Variants in FOXP2 observed in about 807,000 individuals in gnomAD.
FOXP2 encodes forkhead box protein P2.
Under a neutral mutation model 115.8 loss-of-function variants are expected in FOXP2, and 12 were observed. That is an observed-to-expected ratio of 0.10 (90% CI 0.07 to 0.17). The LOEUF is 0.17. Ranked by LOEUF, FOXP2 falls within the 10% of genes least tolerant of loss-of-function variation. The pLI is 1.00. For synonymous variants in FOXP2, 328 were observed against 297.7 expected (o/e 1.10, Z -1.05); for missense variants, 629 against 843.5 (o/e 0.75, Z 3.15).
intron 1 of FOXP2, among the ~76,000 whole-genome samples, chr7:114,279,009 T>G (rs1343163419): frequency 6.6e-6 from 1 of 152,152 alleles, no homozygotes; most frequent in Non-Finnish European, 1.5e-5. Context: ...ATGGGTAGAT[T>G]AGAATAGAAG....
chr7:114,292,323 A>G (rs990048193), intron 2 of FOXP2, among the ~76,000 whole-genome samples: 21 of 152,240 alleles, frequency 1.4e-4, no homozygotes, highest in African/African-American at 4.6e-4. Context: ...TTGTTGAAAC[A>G]TGTAAAATTT....
intron 2 of FOXP2, among the ~76,000 whole-genome samples, chr7:114,309,371 G>A (rs1201771509): frequency 6.6e-6 from 1 of 152,180 alleles, no homozygotes; most frequent in Non-Finnish European, 1.5e-5. Flanking sequence ...CGCTATACCA[G>A]TGCACCAGTT....
At chr7:114,544,386 G>C (rs575579930) in intron 3 of FOXP2, among the ~76,000 whole-genome samples, 112 of 152,002 alleles carry the variant, frequency 7.4e-4, no homozygotes, top group African/African-American at 2.5e-3. Context: ...TGTGGCTAAA[G>C]TTTGTTATTT....
intron 2 of FOXP2, among the ~76,000 whole-genome samples, chr7:114,374,396 C>A (rs2129190168): frequency 6.6e-6 from 1 of 152,208 alleles, no homozygotes; most frequent in Non-Finnish European, 1.5e-5. Context: ...CAGTAAATTA[C>A]CACTTTCTAG....
At position 114,629,884 on chromosome 7, in the gene FOXP2, A is replaced by G. The variant is rs1407370674; in HGVS notation, c.476A>G (p.Gln159Arg). ...QLLQQQQQQQ[Q>R]QQQQQQQQQQ... ...TTGCAGCAGCAGCAGCAACAGCAGC[A>G]GCAGCAACAACAGCAGCAACAACAG... is the stretch of plus-strand genomic sequence containing the variant. Residue 159 changes from glutamine (Q) to arginine (R), a missense_variant, in exon 5 of 17, where the codon CAG becomes CGG. By Grantham distance (43) the Gln-to-Arg change is conservative (BLOSUM62 1). Coordinates refer to ENST00000350908, the MANE Select transcript of FOXP2 (RefSeq NM_014491.4). 1.9e-6 allele frequency: 3 copies of G among 1,612,994 alleles called. No individual in the cohort carries two copies. The highest frequency in any genetic ancestry group is 2.5e-6 in the Non-Finnish European group (3 of 1,179,486).
chr7:114,103,557 C>T (rs975211138), intron 1 of FOXP2, among the ~76,000 whole-genome samples: 106 of 151,890 alleles, frequency 7.0e-4, no homozygotes, highest in African/African-American at 2.4e-3. Flanking sequence ...GGGAGATGAA[C>T]GAAAAGACTG....
intron 10 of FOXP2, among the ~76,000 whole-genome samples, chr7:114,657,632 GA>G (rs915801994): frequency 2.4e-4 from 36 of 150,302 alleles, no homozygotes; most frequent in African/African-American, 4.9e-4. Flanking sequence ...TTGGGACTAC[GA>G]AAAAAAAAAT....
intron 2 of FOXP2, among the ~76,000 whole-genome samples, chr7:114,479,541 GA>G (rs747145273): frequency 0.05 from 6,620 of 131,318 alleles, 375 homozygotes; most frequent in African/African-American, 0.15. Context: ...GATATTTGAG[GA>G]AAAAAAAAAA....
chr7:114,139,216 A>G (rs1291537437), intron 1 of FOXP2, among the ~76,000 whole-genome samples: 5 of 152,110 alleles, frequency 3.3e-5, no homozygotes, highest in African/African-American at 1.2e-4. Context: ...TTCATGTTAG[A>G]GCGGAAAAAA....
chr7:114,397,551 A>G (rs534363774), intron 2 of FOXP2, among the ~76,000 whole-genome samples: 1 of 152,306 alleles, frequency 6.6e-6, no homozygotes, highest in South Asian at 2.1e-4. Context: ...GAAAGACTAC[A>G]TTACAATGAA....
intron 3 of FOXP2, among the ~76,000 whole-genome samples, chr7:114,604,620 C>A (rs973545328): frequency 2.0e-5 from 3 of 152,090 alleles, no homozygotes; most frequent in African/African-American, 7.2e-5. Flanking sequence ...ATTTTTAAGG[C>A]TGGTAGAGAT....
In FOXP2 at chr7:114,274,021, C is replaced by G. The variant is rs563717302; in HGVS notation, c.-101-13998C>G. Among the ~76,000 whole-genome samples the G allele has an allele frequency of 1.7e-4, 26 of 151,678 alleles. 1 individual carries two copies. In the South Asian group the frequency reaches 5.4e-3, roughly 32 times the overall value. On this transcript the variant is annotated intron_variant, in intron 1 of 17. Transcript: ENST00000634411. ...CCTATTTTTCTTCCATTTTTTCCTGCCTTTTGTGATTTTAAAGATTTTATA... is the reference window on the plus strand; with the variant it reads ...CCTATTTTTCTTCCATTTTTTCCTGGCTTTTGTGATTTTAAAGATTTTATA...
intron 2 of FOXP2, among the ~76,000 whole-genome samples, chr7:114,531,212 G>T (rs551295129): frequency 3.2e-4 from 48 of 151,770 alleles, no homozygotes; most frequent in African/African-American, 9.6e-4. Context: ...TTTTTGTGGG[G>T]GAGGGTGACC....
chr7:114,642,812 A>ATTTT (rs869136743), intron 7 of FOXP2, among the ~76,000 whole-genome samples, 189 bp downstream of exon 7: 14 of 72,424 alleles, frequency 1.9e-4, no homozygotes, highest in African/African-American at 4.3e-4. Context: ...ATATATATAT[A>ATTTT]TTTTTTTTTT....
chr7:114,219,953 G>T (rs572750175), intron 1 of FOXP2, among the ~76,000 whole-genome samples: 2 of 151,546 alleles, frequency 1.3e-5, no homozygotes, highest in Non-Finnish European at 2.9e-5. Flanking sequence ...TACAACCTCC[G>T]CCTCCCGGGT....
rs1808762442 is a variant in FOXP2 at position 114,693,110 on chromosome 7, T to C, written c.*3184T>C. 2.2e-6 allele frequency: 1 copy of C among 453,950 alleles called. No homozygotes were observed. The highest frequency in any genetic ancestry group is 4.4e-6 in the Non-Finnish European group (1 of 226,668). 28.1% of individuals were successfully genotyped at this position (453,950 alleles called of 1,614,324 possible). ...CCTAGTGGGCTTAAGGCTTATATTC[T>C]ATGTGGTTGGATTCGTGGCACAGTT... On this transcript the variant is annotated 3_prime_UTR_variant, in exon 17 of 17. Coordinates refer to ENST00000350908, the MANE Select transcript of FOXP2 (RefSeq NM_014491.4).
intron 3 of FOXP2, among the ~76,000 whole-genome samples, chr7:114,540,775 A>T (rs958613828): frequency 1.3e-5 from 2 of 152,084 alleles, no homozygotes; most frequent in African/African-American, 4.8e-5. Context: ...GTCATCAAAG[A>T]TGTAGACATA....
At chr7:114,228,793 C>CA (rs1265335255) in intron 1 of FOXP2, among the ~76,000 whole-genome samples, 7 of 141,982 alleles carry the variant, frequency 4.9e-5, no homozygotes, top group African/African-American at 1.1e-4. Context: ...TATAGAACTA[C>CA]AAAAAAATCA....
intron 1 of FOXP2, among the ~76,000 whole-genome samples, chr7:114,165,866 T>G (rs1792969258): frequency 6.6e-6 from 1 of 152,160 alleles, no homozygotes; most frequent in Admixed American, 6.5e-5. Context: ...ACTTTAAGAC[T>G]TAGTATAAAG....
Sources: allele counts gnomAD v4.1 joint callset (sites outside exome capture counted in the v4.1 genomes callset), GRCh38; gene constraint gnomAD v4.1.1; transcripts MANE v1.5; gene names NCBI Gene and HGNC (gene_info 2026-07-23, HGNC 2026-07-21).